UNC5D: variants seen among roughly 807,000 people sequenced by gnomAD.
UNC5D encodes the protein netrin receptor UNC5D.
UNC5D carries 39 observed loss-of-function variants against 105.4 expected under a neutral mutation model. That is an observed-to-expected ratio of 0.37 (90% confidence interval 0.29 to 0.48). UNC5D has a LOEUF of 0.48. Among genes scored for constraint, UNC5D ranks in the 20% least tolerant of loss-of-function variants. The probability of loss-of-function intolerance (pLI) is 0.98; values close to 1 mark genes in which losing one functional copy is unlikely to be tolerated. For synonymous variants in UNC5D, 452 were observed against 450.4 expected, an observed-to-expected ratio of 1.00 and a Z score of -0.04; for missense variants, 991 against 1,202.4, an observed-to-expected ratio of 0.82 and a Z score of 2.60.
intron 1 of UNC5D, among the ~76,000 whole-genome samples, chr8:35,280,978 C>T (rs12375317): frequency 0.049 from 7,478 of 152,272 alleles, 207 homozygotes; most frequent in African/African-American, 0.075. Flanking sequence ...TCTCCCAACT[C>T]ATTACATCTC....
chr8:35,441,609 C>T (rs1252590862), intron 1 of UNC5D, among the ~76,000 whole-genome samples: 1 of 151,692 alleles, frequency 6.6e-6, no homozygotes, highest in Non-Finnish European at 1.5e-5. Flanking sequence ...AGTTAAGAAA[C>T]TGAGTATGTT....
At chr8:35,308,112 ATGTATGTGTGTGTGTGTGTGTG>A in intron 1 of UNC5D, among the ~76,000 whole-genome samples, 1 of 147,782 alleles carries the variant, frequency 6.8e-6, no homozygotes, top group East Asian at 2.0e-4. Context: ...CTATGTCACA[ATGTATGTGTGTGTGTGTGTGTG>A]TGTGTGTGTG....
At chr8:35,450,923 G>A (rs1808106104) in intron 1 of UNC5D, among the ~76,000 whole-genome samples, 1 of 152,048 alleles carries the variant, frequency 6.6e-6, no homozygotes, top group South Asian at 2.1e-4. Context: ...AGTAGACTAG[G>A]TTAAGTTATG....
chr8:35,656,433 C>A (rs1362493042), intron 4 of UNC5D, among the ~76,000 whole-genome samples: 1 of 152,192 alleles, frequency 6.6e-6, no homozygotes, highest in African/African-American at 2.4e-5. Context: ...GCATAGAAAG[C>A]AAACACTTGA....
chr8:35,785,022 A>T (rs910478787), intron 16 of UNC5D, among the ~76,000 whole-genome samples: 8 of 152,136 alleles, frequency 5.3e-5, no homozygotes, highest in African/African-American at 1.9e-4. Context: ...CTGAATATTC[A>T]GGATTACTAT....
At chr8:35,544,367 A>G in intron 1 of UNC5D, 1 of 1,590,560 alleles carries the variant, frequency 6.3e-7, no homozygotes, top group Admixed American at 1.8e-5. Context: ...TTCTGCCACA[A>G]ATAACAGAAA....
intron 3 of UNC5D, among the ~76,000 whole-genome samples, chr8:35,572,275 C>CAAAAAAAAAAA (rs58478029): frequency 1.4e-5 from 1 of 72,466 alleles, no homozygotes; most frequent in Non-Finnish European, 2.4e-5. Flanking sequence ...GCGAGACTGT[C>CAAAAAAAAAAA]AAAAAAAAAA....
At chr8:35,264,540 C>T (rs995498212) in intron 1 of UNC5D, among the ~76,000 whole-genome samples, 10 of 152,022 alleles carry the variant, frequency 6.6e-5, no homozygotes, top group African/African-American at 2.4e-4. Context: ...CCAACCTGAC[C>T]AACAAGGTGA....
At chr8:35,671,114 G>A (rs145949390) in intron 4 of UNC5D, among the ~76,000 whole-genome samples, 15 of 151,756 alleles carry the variant, frequency 9.9e-5, no homozygotes, top group Admixed American at 4.6e-4. Flanking sequence ...CCACTAAGTC[G>A]GCCATCCTTC....
At chr8:35,386,653 T>G (rs916452508) in intron 1 of UNC5D, among the ~76,000 whole-genome samples, 1 of 152,226 alleles carries the variant, frequency 6.6e-6, no homozygotes, top group African/African-American at 2.4e-5. Context: ...ACTTATGTTG[T>G]TTGAGCAGTA....
At chr8:35,322,337 C>CT (rs141681880) in intron 1 of UNC5D, among the ~76,000 whole-genome samples, 46 of 149,050 alleles carry the variant, frequency 3.1e-4, no homozygotes, top group South Asian at 2.1e-3. Context: ...TTTCTCCCCC[C>CT]TTTTTTTTTT....
At chr8:35,325,416 G>C (rs921409457) in intron 1 of UNC5D, among the ~76,000 whole-genome samples, 5 of 152,256 alleles carry the variant, frequency 3.3e-5, no homozygotes, top group African/African-American at 1.2e-4. Context: ...CATAGACAAG[G>C]CAGGCAGAAA....
chr8:35,565,806 C>G (rs967988544), intron 2 of UNC5D, among the ~76,000 whole-genome samples: 7 of 152,134 alleles, frequency 4.6e-5, no homozygotes, highest in African/African-American at 7.2e-5. Flanking sequence ...TACCCAGCAC[C>G]ATTTATTGAA....
At chr8:35,312,214 C>G (rs530232647) in intron 1 of UNC5D, among the ~76,000 whole-genome samples, 1 of 152,160 alleles carries the variant, frequency 6.6e-6, no homozygotes, top group African/African-American at 2.4e-5. Flanking sequence ...GTGGCAAGAT[C>G]CGACATAGCT....
At chr8:35,471,484 A>G (rs938969570) in intron 1 of UNC5D, among the ~76,000 whole-genome samples, 4 of 152,204 alleles carry the variant, frequency 2.6e-5, no homozygotes, top group African/African-American at 9.6e-5. Flanking sequence ...AACGTATAAT[A>G]TTGGAGAAAA....
At chr8:35,335,889 G>C (rs990068336) in intron 1 of UNC5D, among the ~76,000 whole-genome samples, 2 of 146,560 alleles carry the variant, frequency 1.4e-5, no homozygotes, top group African/African-American at 5.0e-5. Context: ...TCAGCCTCCC[G>C]AGTAGCTGGG....
intron 16 of UNC5D, among the ~76,000 whole-genome samples, chr8:35,780,366 A>T: frequency 6.6e-6 from 1 of 152,352 alleles, no homozygotes; most frequent in South Asian, 2.1e-4. Flanking sequence ...AATGAGAAAC[A>T]GAATCTTCTC....
chr8:35,270,889 T>A (rs947174781), intron 1 of UNC5D, among the ~76,000 whole-genome samples: 1 of 149,760 alleles, frequency 6.7e-6, no homozygotes, highest in Non-Finnish European at 1.5e-5. Flanking sequence ...TCACTATTTA[T>A]TTCTTTAACT....
chr8:35,622,895 T>A (rs1436714367), intron 4 of UNC5D, among the ~76,000 whole-genome samples: 1 of 152,210 alleles, frequency 6.6e-6, no homozygotes, highest in Non-Finnish European at 1.5e-5. Flanking sequence ...GCTAATGCAT[T>A]CTTTCTGAAT....
Sources: allele counts gnomAD v4.1 joint callset (sites outside exome capture counted in the v4.1 genomes callset), GRCh38; gene constraint gnomAD v4.1.1; transcripts MANE v1.5; gene names NCBI Gene and HGNC (gene_info 2026-07-23, HGNC 2026-07-21).